Variants in CPT1C observed in about 807,000 individuals in gnomAD.
CPT1C encodes palmitoyl thioesterase CPT1C.
CPT1C carries 61 observed loss-of-function variants against 97.3 expected under a neutral mutation model. The observed-to-expected ratio is 0.63, with a 90% CI of 0.51 to 0.78. CPT1C has a LOEUF of 0.78. Ranked by LOEUF, CPT1C falls within the 30% of genes least tolerant of loss-of-function variation. The pLI is 0.00. For synonymous variants in CPT1C, 469 were observed against 447.2 expected, an observed-to-expected ratio of 1.05 and a Z score of -0.61; for missense variants, 975 against 1,065.5, an observed-to-expected ratio of 0.92 and a Z score of 1.18.
At chr19:49,701,468 G>A in intron 6 of CPT1C, 29 bp from the exon 7 acceptor site, 1 of 1,593,960 alleles carries the variant, frequency 6.3e-7, no homozygotes, top group African/African-American at 1.3e-5. Context: ...GCGGGCCGGG[G>A]GCGTGACCTG....
intron 15 of CPT1C, 30 bp from the exon 16 acceptor site, chr19:49,710,693 C>A (rs748050556): frequency 1.2e-6 from 2 of 1,601,344 alleles, no homozygotes; most frequent in African/African-American, 2.7e-5. Flanking sequence ...GCCCAGCTGA[C>A]AGACTCCTCT....
In CPT1C at chr19:49,705,291, C is replaced by T. The variant is rs1258149073; in HGVS notation, c.957C>T (p.Val319=). 1 of 1,593,570 alleles carries T rather than the reference C, an allele frequency of 6.3e-7. No individual in the cohort carries two copies. Among genetic ancestry groups the T allele is most frequent in the Non-Finnish European group, 8.6e-7 (1 of 1,166,502 alleles). The change falls in exon 10 of 20, where the codon GTC becomes GTT. Residue 319 remains valine, a synonymous_variant. Transcript: ENST00000598293. ...TCAACACCACGCGGATTCCAGGGGT[C>T]CAAAAAGGTGAGACCCTCTCCTGTC... ...KIFNTTRIPG[V]QKDYIRHLHD...
At chr19:49,692,162 G>A in intron 2 of CPT1C, 77 bp from the exon 3 acceptor site, 1 of 1,514,878 alleles carries the variant, frequency 6.6e-7, no homozygotes, top group South Asian at 1.2e-5. Flanking sequence ...GAAGGAGGAG[G>A]AGGGGCTGGG....
chr19:49,695,278 A>ATTTT (rs947374904), intron 3 of CPT1C, among the ~76,000 whole-genome samples: 9 of 127,546 alleles, frequency 7.1e-5, no homozygotes, highest in Non-Finnish European at 9.7e-5. Flanking sequence ...AAAATGCACA[A>ATTTT]TTTTTTTTTT....
At chr19:49,701,738 A>G in intron 7 of CPT1C, 104 bp downstream of exon 7, 1 of 1,337,692 alleles carries the variant, frequency 7.5e-7, no homozygotes, top group Non-Finnish European at 9.9e-7. Context: ...CACGCCCACA[A>G]CCCACACGCC....
intron 16 of CPT1C, chr19:49,711,260 A>ATT (rs34561432): frequency 0.056 from 7,538 of 135,238 alleles, 649 homozygotes; most frequent in African/African-American, 0.19. Flanking sequence ...TGCCCAGCTA[A>ATT]TTTTTTTTTT....
At chr19:49,708,689 G>A in intron 13 of CPT1C, 34 bp from the exon 14 acceptor site, 1 of 1,508,420 alleles carries the variant, frequency 6.6e-7, no homozygotes, top group Non-Finnish European at 9.2e-7. Context: ...TCCACAGGGA[G>A]GAAGGGACTC....
rs1222199905 is a variant in CPT1C at position 49,692,248 on chromosome 19, G to A, written c.-5G>A. The A allele has an allele frequency of 3.7e-6, 6 of 1,613,528 alleles. No homozygotes were observed. The highest frequency in any genetic ancestry group is 2.2e-5 in the East Asian group (1 of 44,882). ...ACTCTGCCCGACTCAGGGCTCCAGC[G>A]TGACATGGCTGAAGCGCACCAGGCC... On this transcript the variant is annotated 5_prime_UTR_variant, in exon 3 of 20. The change creates a new upstream start codon in the 5' untranslated region. Transcript: ENST00000598293.
chr19:49,703,224 C>CT (rs1395807098), intron 7 of CPT1C, among the ~76,000 whole-genome samples: 1 of 138,088 alleles, frequency 7.2e-6, no homozygotes, highest in Admixed American at 7.9e-5. Context: ...TCCTTTTTTT[C>CT]TTTGAGATGG....
rs1568497838 is a variant in CPT1C at position 49,692,236 on chromosome 19, CAG to C, written c.-14-2_-14-1del. On this transcript the variant is annotated splice_acceptor_variant, in intron 2 of 19. Transcript: ENST00000598293. LOFTEE classifies it low-confidence loss of function (5UTR_SPLICE). ...TCCTGAAGTATGACTCTGCCCGACT[CAG>C]GGCTCCAGCGTGACATGGCTGAAGC... is the stretch of plus-strand genomic sequence containing the variant. The C allele has an allele frequency of 1.2e-6, 2 of 1,612,748 alleles. No individual in the cohort carries two copies. Among genetic ancestry groups the C allele is most frequent in the Non-Finnish European group, 1.7e-6 (2 of 1,179,942 alleles).
At chr19:49,698,662 C>CA (rs34974547) in intron 4 of CPT1C, among the ~76,000 whole-genome samples, 8,047 of 114,282 alleles carry the variant, frequency 0.07, 356 homozygotes, top group South Asian at 0.21. Context: ...GACTCTGTCT[C>CA]AAAAAAAAAA....
intron 14 of CPT1C, 58 bp from the exon 15 acceptor site, chr19:49,710,262 C>T: frequency 6.4e-7 from 1 of 1,559,876 alleles, no homozygotes; most frequent in Non-Finnish European, 8.8e-7. Flanking sequence ...TTATTCCTGG[C>T]TTTCACCCTA....
At chr19:49,709,555 A>ATTTT (rs546388616) in intron 14 of CPT1C, among the ~76,000 whole-genome samples, 1 of 122,114 alleles carries the variant, frequency 8.2e-6, no homozygotes, top group East Asian at 2.4e-4. Context: ...CCCTATCCCC[A>ATTTT]TTTTTTTTTT....
chr19:49,692,918 G>A (rs940951259), intron 3 of CPT1C, among the ~76,000 whole-genome samples: 2 of 152,116 alleles, frequency 1.3e-5, no homozygotes, highest in Non-Finnish European at 2.9e-5. Flanking sequence ...ATGAGACAGA[G>A]TCTCACTCTG....
Position 49,710,873 on chromosome 19 carries a change from G to A in CPT1C, c.1866+16G>A, listed in dbSNP as rs757132605. 7.5e-6 allele frequency: 12 copies of A among 1,596,236 alleles called. No individual in the cohort carries two copies. In the Admixed American group the frequency reaches 1.0e-4, roughly 14 times the overall value. ...AGAGAAGACGGTGGGTGCAGCCCTC[G>A]CTTGAGGCTTCAGTTATTTCTGTGT... On this transcript the variant is annotated intron_variant, in intron 16 of 19. Transcript: ENST00000598293.
chr19:49,705,888 T>C, intron 10 of CPT1C, 21 bp from the exon 11 acceptor site: 1 of 1,598,888 alleles, frequency 6.3e-7, no homozygotes, highest in Non-Finnish European at 8.5e-7. Context: ...GCCCCCATGC[T>C]TCTGCCAACG....
At chr19:49,693,827 G>C (rs1306858314) in intron 3 of CPT1C, among the ~76,000 whole-genome samples, 1 of 152,156 alleles carries the variant, frequency 6.6e-6, no homozygotes, top group Non-Finnish European at 1.5e-5. Flanking sequence ...GGGAGGCTGA[G>C]ACGGACGGAT....
Position 49,701,629 on chromosome 19 carries a change from A to G in CPT1C, c.688A>G (p.Asn230Asp). The change falls in exon 7 of 20, where the codon AAT becomes GAT. Residue 230 changes from asparagine to aspartate, a missense_variant. Physicochemically the swap from Asn to Asp is conservative, Grantham distance 23. Around this residue, in one of 3 missense-constraint regions of CPT1C, gnomAD observed 596 missense variants for 603.1 expected, o/e 0.99. Transcript: ENST00000598293. Reference sequence around the variant, plus strand: ...GCGGCTCAAGTCCTGGTGGGCGTCCAATTATGTGAGTCCCGCCACCGCCAC... The same window carrying G: ...GCGGCTCAAGTCCTGGTGGGCGTCCGATTATGTGAGTCCCGCCACCGCCAC... ...YLRLKSWWAS[N>D]YVSDWWEEFV... 1 of 1,597,254 alleles carries G rather than the reference A, an allele frequency of 6.3e-7. No individual in the cohort carries two copies. The highest frequency in any genetic ancestry group is 2.3e-5 in the East Asian group (1 of 44,278).
chr19:49,693,101 T>G (rs2082445688), intron 3 of CPT1C, among the ~76,000 whole-genome samples: 1 of 152,190 alleles, frequency 6.6e-6, no homozygotes, highest in Non-Finnish European at 1.5e-5. Flanking sequence ...TTGGCCAGGC[T>G]AATCTCGATC....
Sources: allele counts gnomAD v4.1 joint callset (sites outside exome capture counted in the v4.1 genomes callset), GRCh38; gene constraint gnomAD v4.1.1; regional missense constraint gnomAD v4.1.1; transcripts MANE v1.5; gene names NCBI Gene and HGNC (gene_info 2026-07-23, HGNC 2026-07-21).